The following CERT1 variants were observed in gnomAD, a reference collection of about 807,000 sequenced individuals.
CERT1 encodes the protein ceramide transfer protein.
CERT1 carries 31 observed loss-of-function variants against 87.9 expected under a neutral mutation model. The observed-to-expected ratio is 0.35, with a 90% CI of 0.27 to 0.48. The LOEUF (loss-of-function observed/expected upper bound fraction) is 0.48. CERT1 is among the 20% of genes least tolerant of loss of function. The probability of loss-of-function intolerance (pLI) is 0.99; values close to 1 mark genes in which losing one functional copy is unlikely to be tolerated. For synonymous variants in CERT1, 289 were observed against 250.9 expected (o/e 1.15, Z -1.44); for missense variants, 487 against 758.0 (o/e 0.64, Z 4.20).
chr5:75,388,617 T>C lies in CERT1; in HGVS notation c.1284+975A>G, dbSNP rs1468952056. ...ATGCATGCATATATATATATATATATATATATATATATATATATATATATC... is the reference window on the plus strand; with the variant it reads ...ATGCATGCATATATATATATATATACATATATATATATATATATATATATC... On this transcript the variant is annotated intron_variant, in intron 12 of 16. Coordinates refer to ENST00000643780, the MANE Select transcript of CERT1 (RefSeq NM_001379029.1). Among the ~76,000 whole-genome samples the C allele has an allele frequency of 3.6e-5, 3 of 82,274 alleles. No homozygotes were observed. In the East Asian group the frequency reaches 1.1e-3, roughly 31 times the overall value. The allele number at this position is 82,274 out of a possible 152,430, so 54.0% of individuals were successfully genotyped here. A position where few individuals can be genotyped will look rare whatever the true frequency, so the allele number is the denominator to read the frequency against.
intron 3 of CERT1, among the ~76,000 whole-genome samples, chr5:75,427,082 G>A (rs1763650668): frequency 6.6e-6 from 1 of 152,098 alleles, no homozygotes; most frequent in African/African-American, 2.4e-5. Context: ...ACAGTTCATG[G>A]CACGAAGTTT....
At chr5:75,445,518 G>A (rs1366660367) in intron 3 of CERT1, among the ~76,000 whole-genome samples, 3 of 152,054 alleles carry the variant, frequency 2.0e-5, no homozygotes, top group African/African-American at 7.2e-5. Context: ...AAGAGACAAG[G>A]ACTTGCTATT....
intron 7 of CERT1, among the ~76,000 whole-genome samples, chr5:75,416,083 T>C (rs1040939484): frequency 6.6e-6 from 1 of 152,120 alleles, no homozygotes; most frequent in African/African-American, 2.4e-5. Context: ...CTGCAAGCAA[T>C]ATAACTCAGA....
At chr5:75,374,395 T>A, downstream of CERT1, 1 of 551,840 alleles carries the variant, frequency 1.8e-6, no homozygotes, top group Non-Finnish European at 3.2e-6. Context: ...GAATCAAAGG[T>A]ATATGGAATT....
intron 3 of CERT1, among the ~76,000 whole-genome samples, chr5:75,450,418 C>A (rs1027264131): frequency 1.3e-5 from 2 of 152,104 alleles, no homozygotes; most frequent in Admixed American, 1.3e-4. Flanking sequence ...AGAGTAGGGC[C>A]CTGAAAGAAA....
At chr5:75,427,009 T>C (rs879860074) in intron 3 of CERT1, among the ~76,000 whole-genome samples, 1 of 152,228 alleles carries the variant, frequency 6.6e-6, no homozygotes, top group African/African-American at 2.4e-5. Context: ...GTTTTGTTAT[T>C]ACTACTGGAC....
intron 6 of CERT1, among the ~76,000 whole-genome samples, chr5:75,418,484 A>G (rs1436356581): frequency 6.6e-6 from 1 of 152,204 alleles, no homozygotes; most frequent in Non-Finnish European, 1.5e-5. Context: ...TTCTACTCCT[A>G]GGTATTTACC....
intron 3 of CERT1, among the ~76,000 whole-genome samples, chr5:75,432,634 TTCTC>T (rs1377381606): frequency 3.3e-5 from 5 of 152,222 alleles, no homozygotes; most frequent in Admixed American, 2.0e-4. Context: ...GGCAAATACT[TTCTC>T]TCTTTCTGTA....
chr5:75,439,701 C>G (rs1764241515), intron 3 of CERT1, among the ~76,000 whole-genome samples: 1 of 152,036 alleles, frequency 6.6e-6, no homozygotes, highest in Non-Finnish European at 1.5e-5. Context: ...ATACATTTAA[C>G]TTCAATATTA....
At position 75,464,797 on chromosome 5, in the gene CERT1, C is replaced by T. The variant is rs752603302; in HGVS notation, c.232-5616G>A. On this transcript the variant is annotated intron_variant, in intron 2 of 16. Coordinates refer to ENST00000643780, the MANE Select transcript of CERT1 (RefSeq NM_001379029.1). ...TGCCATGTTGCCCAGGCCCTGGTCT[C>T]GAGCTCCTGGACTCACACAACCCAT... 2.6e-5 allele frequency among the ~76,000 whole-genome samples: 4 copies of T among 152,072 alleles called. No individual in the cohort carries two copies. The East Asian group carries it at 7.7e-4, about 29-fold the overall frequency.
At chr5:75,410,090 C>T (rs1458798361) in intron 8 of CERT1, among the ~76,000 whole-genome samples, 1 of 152,110 alleles carries the variant, frequency 6.6e-6, no homozygotes, top group Non-Finnish European at 1.5e-5. Flanking sequence ...CAGATGTGAG[C>T]CAGTGCGCTA....
intron 3 of CERT1, among the ~76,000 whole-genome samples, chr5:75,458,725 T>C (rs1307012188): frequency 1.3e-5 from 2 of 152,108 alleles, no homozygotes; most frequent in African/African-American, 4.8e-5. Flanking sequence ...CTAATTTTTG[T>C]ATTTTTAGTA....
At chr5:75,464,580 GT>G (rs1294191264) in intron 2 of CERT1, among the ~76,000 whole-genome samples, 4 of 151,950 alleles carry the variant, frequency 2.6e-5, no homozygotes, top group Non-Finnish European at 4.4e-5. Context: ...CTTGAGCAGT[GT>G]TTTTTGTTTG....
At chr5:75,503,476 T>G (rs948479360) in intron 2 of CERT1, among the ~76,000 whole-genome samples, 13 of 152,004 alleles carry the variant, frequency 8.6e-5, no homozygotes, top group Non-Finnish European at 1.6e-4. Flanking sequence ...ATTTGTAAAC[T>G]CATCCTGAGT....
intron 13 of CERT1, 33 bp from the exon 14 acceptor site, chr5:75,384,745 A>G (rs751616956): frequency 7.5e-7 from 1 of 1,340,306 alleles, no homozygotes; most frequent in Non-Finnish European, 1.1e-6. Flanking sequence ...AAGATATATT[A>G]TCTTTTCCTA....
Position 75,511,130 on chromosome 5 carries a change from G to C in CERT1, c.78C>G (p.Arg26=). The C allele has an allele frequency of 6.3e-7, 1 of 1,598,206 alleles. No homozygotes were observed. The change falls in exon 1 of 17, where the codon CGC becomes CGG. Residue 26 remains arginine (R), a synonymous_variant. Coordinates refer to ENST00000643780, the MANE Select transcript of CERT1 (RefSeq NM_001379029.1). The stretch of plus-strand genomic sequence containing the variant: ...TGCTCACCTTACTGAGGACCCCGCA[G>C]CGCTCCACAGGCGGCCCAGACTCCG... The part of the protein sequence containing the change: ...PETESGPPVE[R]CGVLSKWTNY...
intron 3 of CERT1, among the ~76,000 whole-genome samples, chr5:75,440,274 T>G (rs181984091): frequency 6.6e-6 from 1 of 152,112 alleles, no homozygotes; most frequent in South Asian, 2.1e-4. Flanking sequence ...ACATTTATTT[T>G]CTAATAGTAT....
intron 3 of CERT1, among the ~76,000 whole-genome samples, chr5:75,435,680 T>TTTC (rs1274501574): frequency 6.6e-6 from 1 of 152,158 alleles, no homozygotes; most frequent in Non-Finnish European, 1.5e-5. Flanking sequence ...TTCTGGACAC[T>TTTC]TTAAGGGGGC....
rs183100420 is a variant in CERT1 at position 75,510,536 on chromosome 5, T to C, written c.96+576A>G. ...CTATGAATATTTCCTGTACCCATCA[T>C]GTGCCGATTCAATATCTCTATTCTG... is the stretch of plus-strand genomic sequence containing the variant. On this transcript the variant is annotated intron_variant, in intron 1 of 16. Coordinates refer to ENST00000643780, the MANE Select transcript of CERT1 (RefSeq NM_001379029.1). 2.1e-3 allele frequency among the ~76,000 whole-genome samples: 316 copies of C among 152,324 alleles called. 1 individual carries two copies. The East Asian group carries it at 0.027, about 13-fold the overall frequency.
Sources: allele counts gnomAD v4.1 joint callset (sites outside exome capture counted in the v4.1 genomes callset), GRCh38; gene constraint gnomAD v4.1.1; transcripts MANE v1.5; gene names NCBI Gene and HGNC (gene_info 2026-07-23, HGNC 2026-07-21).